ZNF678: variants seen among roughly 807,000 people sequenced by gnomAD.
ZNF678 encodes the protein zinc finger protein 678, also known as hypothetical protein MGC42493.
A neutral mutation model predicts 3.0 loss-of-function variants in ZNF678; 5 were observed. The observed-to-expected ratio is 1.69, with a 90% confidence interval of 0.88 to 3.56. The LOEUF (loss-of-function observed/expected upper bound fraction) is 3.56, where lower values mean the gene tolerates loss of function less well. ZNF678 is among the 30% of genes most tolerant of loss of function. The pLI is 0.00. For synonymous variants in ZNF678, 218 were observed against 199.6 expected (o/e 1.09, Z -0.78); for missense variants, 593 against 605.0 (o/e 0.98, Z 0.21).
At chr1:227,584,803 T>C (rs1442344472) in intron 1 of ZNF678, among the ~76,000 whole-genome samples, 1 of 152,212 alleles carries the variant, frequency 6.6e-6, no homozygotes, top group Non-Finnish European at 1.5e-5. Context: ...AAACCAATTC[T>C]TGCTGGGGAC....
chr1:227,670,743 G>T (rs182494589), intron 5 of ZNF678, among the ~76,000 whole-genome samples: 3 of 152,274 alleles, frequency 2.0e-5, no homozygotes, highest in Admixed American at 6.5e-5. Flanking sequence ...TTTCTATCCA[G>T]CTCTGTGAAG....
chr1:227,588,079 A>G (rs148241457), intron 1 of ZNF678, among the ~76,000 whole-genome samples: 3 of 152,070 alleles, frequency 2.0e-5, no homozygotes, highest in African/African-American at 4.8e-5. Flanking sequence ...GAGAACCTGC[A>G]ATGTTTGGTT....
chr1:227,664,076 G>A (rs1418700995), downstream of ZNF678, among the ~76,000 whole-genome samples: 2 of 152,042 alleles, frequency 1.3e-5, no homozygotes, highest in Admixed American at 1.3e-4. Flanking sequence ...TTGTCATCAC[G>A]GGGACACTTC....
At chr1:227,606,886 G>A (rs941389162) in intron 1 of ZNF678, among the ~76,000 whole-genome samples, 2 of 152,160 alleles carry the variant, frequency 1.3e-5, no homozygotes, top group African/African-American at 4.8e-5. Flanking sequence ...CTGTGAGCAC[G>A]GGGTTGGGGC....
chr1:227,675,478 T>G (rs1480773594), intron 5 of ZNF678, among the ~76,000 whole-genome samples: 2 of 152,162 alleles, frequency 1.3e-5, no homozygotes, highest in African/African-American at 4.8e-5. Flanking sequence ...TTATATATAT[T>G]TATATGTTGC....
At chr1:227,614,706 G>C (rs746169943) in intron 1 of ZNF678, among the ~76,000 whole-genome samples, 1 of 152,176 alleles carries the variant, frequency 6.6e-6, no homozygotes, top group African/African-American at 2.4e-5. Flanking sequence ...AGTCTGCAAG[G>C]TGCTGCCTCA....
chr1:227,664,600 C>T (rs1270843600), downstream of ZNF678, among the ~76,000 whole-genome samples: 1 of 152,134 alleles, frequency 6.6e-6, no homozygotes, highest in East Asian at 1.9e-4. Flanking sequence ...ATTCTCACGT[C>T]AGGCCTTACT....
Position 227,657,386 on chromosome 1 carries a change from GT to G in ZNF678, c.*1560del, listed in dbSNP as rs1326990070. ...CTCTTTTCTGTATTAATTTGCCAGT[GT>G]TAAGTATTCCCTTCTAGCAGCACAA... is the stretch of plus-strand genomic sequence containing the variant. On this transcript the variant is annotated 3_prime_UTR_variant, in exon 4 of 4. Coordinates refer to ENST00000343776, the MANE Select transcript of ZNF678 (RefSeq NM_001367909.1). 6.6e-6 allele frequency: 1 copy of G among 151,838 alleles called. No individual in the cohort carries two copies. Among genetic ancestry groups the G allele is most frequent in the African/African-American group, 2.4e-5 (1 of 41,378 alleles). The allele number at this position is 151,838 out of a possible 1,614,324, so 9.4% of individuals were successfully genotyped here.
chr1:227,664,914 C>A (rs976257330), downstream of ZNF678, among the ~76,000 whole-genome samples: 2 of 152,202 alleles, frequency 1.3e-5, no homozygotes, highest in African/African-American at 4.8e-5. Flanking sequence ...CTCTCAGTCC[C>A]CTACGGAGAC....
At chr1:227,646,502 T>A (rs1255149130) in intron 1 of ZNF678, 42 bp from the exon 2 acceptor site, 1 of 1,352,044 alleles carries the variant, frequency 7.4e-7, no homozygotes, top group Non-Finnish European at 9.8e-7. Flanking sequence ...ACTCTGCCCA[T>A]GGCACATTTT....
chr1:227,673,380 A>G (rs1659632564), intron 5 of ZNF678, among the ~76,000 whole-genome samples: 1 of 152,200 alleles, frequency 6.6e-6, no homozygotes, highest in African/African-American at 2.4e-5. Flanking sequence ...CAGTGCCATC[A>G]TCTAATTCCA....
intron 1 of ZNF678, among the ~76,000 whole-genome samples, chr1:227,570,799 G>A (rs964666381): frequency 1.3e-5 from 2 of 151,868 alleles, no homozygotes; most frequent in Non-Finnish European, 2.9e-5. Context: ...GTTATTTTAG[G>A]TTCAAACATT....
chr1:227,674,280 A>G (rs144331428), intron 5 of ZNF678, among the ~76,000 whole-genome samples: 4,592 of 152,318 alleles, frequency 0.03, 115 homozygotes, highest in Non-Finnish European at 0.044. Context: ...TTTCCCAGCA[A>G]ACTTTCAAGT....
chr1:227,631,930 C>T (rs1038118665), intron 1 of ZNF678, among the ~76,000 whole-genome samples: 3 of 152,200 alleles, frequency 2.0e-5, no homozygotes, highest in Non-Finnish European at 4.4e-5. Flanking sequence ...GGAGTATGCA[C>T]CTCACTTTAG....
At chr1:227,653,849 A>G (rs933654906) in intron 3 of ZNF678, among the ~76,000 whole-genome samples, 5 of 152,140 alleles carry the variant, frequency 3.3e-5, no homozygotes, top group Admixed American at 6.6e-5. Flanking sequence ...GCTGTCATTC[A>G]GAGCATACCA....
intron 1 of ZNF678, among the ~76,000 whole-genome samples, chr1:227,632,720 G>A (rs573782859): frequency 1.8e-4 from 28 of 152,270 alleles, no homozygotes; most frequent in African/African-American, 6.5e-4. Flanking sequence ...CCGATTCTAA[G>A]GAAGGATAGG....
chr1:227,590,033 C>G (rs1052463435), intron 1 of ZNF678, among the ~76,000 whole-genome samples: 27 of 151,818 alleles, frequency 1.8e-4, no homozygotes, highest in Non-Finnish European at 2.9e-4. Flanking sequence ...TCTGCTGAAG[C>G]ATTCTGGTGA....
chr1:227,653,918 A>G (rs769754172), intron 3 of ZNF678, among the ~76,000 whole-genome samples: 3 of 152,056 alleles, frequency 2.0e-5, no homozygotes, highest in Non-Finnish European at 2.9e-5. Flanking sequence ...GAAAGCCCCT[A>G]AAAGCCAGAA....
intron 1 of ZNF678, among the ~76,000 whole-genome samples, chr1:227,611,238 G>C (rs1324968589): frequency 6.6e-6 from 1 of 152,154 alleles, no homozygotes; most frequent in Non-Finnish European, 1.5e-5. Flanking sequence ...GTGGTGTCCT[G>C]GGTGATAACC....
Sources: gnomAD v4.1 joint callset for allele counts (sites outside exome capture counted in the v4.1 genomes callset) on GRCh38, gnomAD v4.1.1 for gene constraint, MANE v1.5 for transcripts, NCBI Gene and HGNC (gene_info 2026-07-23, HGNC 2026-07-21) for gene names.